The following WDR45B variants were observed in gnomAD, a reference collection of about 807,000 sequenced individuals.
WDR45B encodes the protein WD repeat domain phosphoinositide-interacting protein 3.
Under a neutral mutation model 44.6 loss-of-function variants are expected in WDR45B, and 20 were observed. The ratio of observed to expected loss-of-function variants is 0.45; its 90% CI spans 0.32 to 0.65. The LOEUF is 0.65. Among genes scored for constraint, WDR45B ranks in the 30% least tolerant of loss-of-function variants. The pLI, the probability that WDR45B is intolerant of heterozygous loss-of-function variation, is 0.05. For synonymous variants in WDR45B, 169 were observed against 164.9 expected, an observed-to-expected ratio of 1.02 and a Z score of -0.19; for missense variants, 323 against 430.2, an observed-to-expected ratio of 0.75 and a Z score of 2.20.
At chr17:82,625,351 C>T (rs748518044) in intron 5 of WDR45B, 38 bp downstream of exon 5, 7 of 1,592,296 alleles carry the variant, frequency 4.4e-6, no homozygotes, top group Admixed American at 1.7e-5. Flanking sequence ...TCCATGTGGA[C>T]CCATTTCCCA....
intron 2 of WDR45B, among the ~76,000 whole-genome samples, chr17:82,637,112 G>A (rs1163472032): frequency 6.6e-6 from 1 of 151,996 alleles, no homozygotes; most frequent in Non-Finnish European, 1.5e-5. Flanking sequence ...TTTTGCCTGA[G>A]TGCTGGTTTT....
chr17:82,621,557 G>A, intron 6 of WDR45B, 52 bp downstream of exon 6: 1 of 1,611,818 alleles, frequency 6.2e-7, no homozygotes, highest in African/African-American at 1.3e-5. Context: ...CCATTTTGCT[G>A]AGCCTGCTGC....
chr17:82,647,999 G>A (rs2046003250), intron 1 of WDR45B, among the ~76,000 whole-genome samples: 2 of 135,626 alleles, frequency 1.5e-5, no homozygotes, highest in Non-Finnish European at 1.6e-5. Context: ...CCTCGGCCCG[G>A]GACGGCCGGC....
At position 82,627,440 on chromosome 17, in the gene WDR45B, G is replaced by GGA. The variant is rs980724134; in HGVS notation, c.245-151_245-150dup. The GGA allele has an allele frequency of 4.2e-6, 3 of 712,894 alleles. No individual in the cohort carries two copies. In the African/African-American group the frequency reaches 5.3e-5, roughly 12 times the overall value. 44.2% of individuals were successfully genotyped at this position (712,894 alleles called of 1,614,324 possible). On this transcript the variant is annotated intron_variant, in intron 3 of 9. Transcript: ENST00000392325. ...GGCCTCAGACACACACCCGCACCTG[G>GGA]GAGGCCTTGGGGTGTAACTCAAACC...
chr17:82,642,234 G>C (rs1479231862), intron 2 of WDR45B, among the ~76,000 whole-genome samples: 1 of 152,144 alleles, frequency 6.6e-6, no homozygotes, highest in Non-Finnish European at 1.5e-5. Context: ...AGGCGAACAA[G>C]CATCCCCACC....
chr17:82,646,303 C>A (rs2045974612), intron 1 of WDR45B, among the ~76,000 whole-genome samples: 1 of 151,430 alleles, frequency 6.6e-6, no homozygotes, highest in Non-Finnish European at 1.5e-5. Flanking sequence ...CCAGACTCAA[C>A]ACGGAGAAAC....
chr17:82,630,600 A>G (rs563353454), intron 3 of WDR45B, among the ~76,000 whole-genome samples: 2 of 152,296 alleles, frequency 1.3e-5, no homozygotes, highest in Admixed American at 1.3e-4. Flanking sequence ...GGCTCTCTGT[A>G]AGAAAAAAAA....
intron 8 of WDR45B, among the ~76,000 whole-genome samples, chr17:82,616,848 C>T (rs2045543696): frequency 6.6e-6 from 1 of 151,606 alleles, no homozygotes; most frequent in African/African-American, 2.4e-5. Flanking sequence ...GACGGAGTCT[C>T]GCTCTGTAGC....
intron 3 of WDR45B, chr17:82,629,970 TCCCACCCTACCCA>T (rs1351042948): frequency 2.8e-5 from 27 of 968,840 alleles, no homozygotes; most frequent in African/African-American, 3.6e-5. Flanking sequence ...CCTCACCTCC[TCCCACCCTACCCA>T]CCCACCACTG....
At chr17:82,647,829 G>A (rs1007004977) in intron 1 of WDR45B, among the ~76,000 whole-genome samples, 1 of 151,928 alleles carries the variant, frequency 6.6e-6, no homozygotes, top group Non-Finnish European at 1.5e-5. Flanking sequence ...AGGAACAGGG[G>A]GCAAAACGGG....
chr17:82,628,691 T>C (rs1262740511), intron 3 of WDR45B, among the ~76,000 whole-genome samples: 1 of 152,036 alleles, frequency 6.6e-6, no homozygotes, highest in African/African-American at 2.4e-5. Flanking sequence ...AGGGAGACCC[T>C]GTCTCAAAAA....
chr17:82,617,893 A>C (rs1376027880), intron 7 of WDR45B, among the ~76,000 whole-genome samples: 1 of 152,070 alleles, frequency 6.6e-6, no homozygotes, highest in Non-Finnish European at 1.5e-5. Context: ...GACCTCACAG[A>C]TAAAGCTGCC....
intron 4 of WDR45B, chr17:82,626,685 G>A (rs564646454): frequency 1.9e-5 from 3 of 160,186 alleles, no homozygotes; most frequent in African/African-American, 4.8e-5. Context: ...CCAAATGAAC[G>A]AACTCTGCGC....
chr17:82,621,831 C>T (rs2045622737), intron 5 of WDR45B, 32 bp from the exon 6 acceptor site: 8 of 1,612,030 alleles, frequency 5.0e-6, no homozygotes, highest in Admixed American at 3.3e-5. Flanking sequence ...CAATCAAGAA[C>T]TGCCTTTGAT....
chr17:82,626,533 CAAAAAAAAAAAAA>C (rs562186058), intron 4 of WDR45B, among the ~76,000 whole-genome samples: 8 of 79,462 alleles, frequency 1.0e-4, no homozygotes, highest in African/African-American at 4.4e-4. Context: ...CTCTATCTCC[CAAAAAAAAAAAAA>C]AAAAAAAAAA....
intron 3 of WDR45B, among the ~76,000 whole-genome samples, chr17:82,630,301 C>T (rs1424345881): frequency 6.6e-6 from 1 of 151,492 alleles, no homozygotes; most frequent in African/African-American, 2.4e-5. Flanking sequence ...CCTCCCCCAC[C>T]CAGCCTACCT....
At chr17:82,624,658 G>C (rs1292479125) in intron 5 of WDR45B, among the ~76,000 whole-genome samples, 1 of 148,808 alleles carries the variant, frequency 6.7e-6, no homozygotes, top group African/African-American at 2.5e-5. Flanking sequence ...TTGCTCTATC[G>C]CCCAGGCTGG....
chr17:82,626,667 A>G (rs1433060764), intron 4 of WDR45B: 1 of 159,966 alleles, frequency 6.3e-6, no homozygotes, highest in Non-Finnish European at 1.4e-5. Flanking sequence ...ATCATATTAA[A>G]TAAAAACCCA....
At chr17:82,643,892 T>G (rs1175796546) in intron 2 of WDR45B, 57 bp downstream of exon 2, 78 of 1,465,640 alleles carry the variant, frequency 5.3e-5, no homozygotes, top group Non-Finnish European at 6.2e-5. Flanking sequence ...AAGGTTAAAT[T>G]TAAGACTCCG....
Sources: allele counts gnomAD v4.1 joint callset (sites outside exome capture counted in the v4.1 genomes callset), GRCh38; gene constraint gnomAD v4.1.1; transcripts MANE v1.5; gene names NCBI Gene and HGNC (gene_info 2026-07-23, HGNC 2026-07-21).